The following OR11A1 variants were observed in gnomAD, a reference collection of about 807,000 sequenced individuals.
The protein encoded by OR11A1 is olfactory receptor 11A1.
For synonymous variants in OR11A1, 158 were observed against 152.2 expected (o/e 1.04, Z -0.28); for missense variants, 380 against 378.2 (o/e 1.00, Z -0.04).
intron 1 of OR11A1, chr6:29,440,962 G>T (rs769040034): frequency 1.3e-6 from 2 of 1,574,528 alleles, no homozygotes; most frequent in Non-Finnish European, 8.7e-7. Context: ...TGAAAAGGGG[G>T]CGATAGTGAC....
rs140404578 is a variant in OR11A1, at chr6:29,455,641, C to T, written c.-389+1346G>A. On this transcript the variant is annotated intron_variant, in intron 1 of 4. Transcript: ENST00000377149. Reference sequence around the variant, plus strand: ...TATATCAAAACATCATTTGGGAGGCCGAGGCGGGTGGATTGCCTGAGCTCA... The same window carrying T: ...TATATCAAAACATCATTTGGGAGGCTGAGGCGGGTGGATTGCCTGAGCTCA... Among the ~76,000 whole-genome samples the T allele has an allele frequency of 9.4e-3, 1,428 of 152,022 alleles. 12 individuals are homozygous for T. The highest frequency in any genetic ancestry group is 0.026 in the African/African-American group (1,065 of 41,454).
At position 29,437,001 on chromosome 6, in the gene OR11A1, C is replaced by G. The variant is rs544154114; in HGVS notation, c.-388-5014G>C. ...CAGCACAATGAGATACCATCTCACACCAGCTAGAATGCCGATCATTAAAAA... is the reference window on the plus strand; with the variant it reads ...CAGCACAATGAGATACCATCTCACAGCAGCTAGAATGCCGATCATTAAAAA... On this transcript the variant is annotated intron_variant, in intron 1 of 4. Coordinates refer to ENST00000377149, the MANE Select transcript of OR11A1 (RefSeq NM_001394828.1). Among the ~76,000 whole-genome samples the G allele has an allele frequency of 2.0e-5, 3 of 152,324 alleles. No homozygotes were observed. The East Asian group carries it at 5.8e-4, about 29-fold the overall frequency.
chr6:29,433,946 C>T (rs931262230), intron 1 of OR11A1, among the ~76,000 whole-genome samples: 2 of 151,870 alleles, frequency 1.3e-5, no homozygotes, highest in Admixed American at 6.6e-5. Context: ...TTTTCTTGTA[C>T]CTGTTTGTCA....
At chr6:29,446,029 C>G (rs1308677818) in intron 1 of OR11A1, among the ~76,000 whole-genome samples, 5 of 152,056 alleles carry the variant, frequency 3.3e-5, no homozygotes, top group Admixed American at 6.6e-5. Flanking sequence ...CAGGGTTGAT[C>G]CTCTGAGAGT....
intron 1 of OR11A1, among the ~76,000 whole-genome samples, chr6:29,452,320 GAA>G (rs1338594870): frequency 6.6e-6 from 1 of 151,750 alleles, no homozygotes; most frequent in Non-Finnish European, 1.5e-5. Context: ...TGTGCCCCTT[GAA>G]ACTAAAATAA....
At chr6:29,451,767 T>C (rs1028739048) in intron 1 of OR11A1, among the ~76,000 whole-genome samples, 7 of 152,188 alleles carry the variant, frequency 4.6e-5, no homozygotes, top group Non-Finnish European at 8.8e-5. Flanking sequence ...AGAATGTATG[T>C]TGAAAGTGGT....
At position 29,440,363 on chromosome 6, in the gene OR11A1, C is replaced by A. The variant is rs771580025; in HGVS notation, c.-388-8376G>T. 40 of 1,614,034 alleles carry A rather than the reference C, an allele frequency of 2.5e-5. 1 individual carries two copies. In the South Asian group the frequency reaches 3.7e-4, roughly 15 times the overall value. On this transcript the variant is annotated intron_variant, in intron 1 of 4. Coordinates refer to ENST00000377149, the MANE Select transcript of OR11A1 (RefSeq NM_001394828.1). ...CCACGGAGTGCTGCCTCCTGGCAGC[C>A]ATGGCCTATGACCGCTATGCAGCCA... is the stretch of plus-strand genomic sequence containing the variant.
At chr6:29,431,185 GA>G (rs1355354483) in intron 2 of OR11A1, among the ~76,000 whole-genome samples, 2 of 151,706 alleles carry the variant, frequency 1.3e-5, no homozygotes, top group Admixed American at 1.3e-4. Flanking sequence ...AATATTCCAG[GA>G]AAAAATATTT....
rs747249606 is a variant in OR11A1, at chr6:29,426,802, A to C, written c.840T>G (p.Thr280=). The C allele has an allele frequency of 1.1e-5, 17 of 1,613,016 alleles. No homozygotes were observed. Among genetic ancestry groups the C allele is most frequent in the Non-Finnish European group, 1.2e-5 (14 of 1,180,024 alleles). ...LLSKVFSLLY[T]VVTPLFNPVI... Reference sequence around the variant, plus strand: ...CAGGATTGAAGAGAGGGGTGACCACAGTGTAGAGCAGGGAGAAGACCTTGG... The same window carrying C: ...CAGGATTGAAGAGAGGGGTGACCACCGTGTAGAGCAGGGAGAAGACCTTGG... The change falls in exon 5 of 5, where the codon ACT becomes ACG. Residue 280 remains threonine, a synonymous_variant. Transcript: ENST00000377149.
intron 1 of OR11A1, among the ~76,000 whole-genome samples, chr6:29,438,900 T>C (rs1783865124): frequency 2.0e-5 from 3 of 152,216 alleles, no homozygotes; most frequent in Admixed American, 2.0e-4. Flanking sequence ...GAAAGACACC[T>C]TTGAGATAAT....
At chr6:29,436,872 C>G (rs899231143) in intron 1 of OR11A1, among the ~76,000 whole-genome samples, 3 of 152,240 alleles carry the variant, frequency 2.0e-5, no homozygotes, top group Non-Finnish European at 2.9e-5. Flanking sequence ...CGGCCAGTGG[C>G]CCGCAATCCT....
chr6:29,443,868 A>G (rs1158199730), intron 1 of OR11A1, among the ~76,000 whole-genome samples: 2 of 151,222 alleles, frequency 1.3e-5, no homozygotes, highest in Non-Finnish European at 2.9e-5. Context: ...GTTCTATTCT[A>G]CCTTTTTCTT....
chr6:29,427,077 C>T lies in OR11A1; in HGVS notation c.565G>A (p.Ala189Thr). Residue 189 changes from alanine (A) to threonine (T), a missense_variant, in exon 5 of 5, where the codon GCT becomes ACT. Ala to Thr is a moderately conservative substitution (Grantham distance 58). Transcript: ENST00000377149. ...YCDFMLFVGL[A>T]CSDPRVAQVT... ...TGAGCCACTCTGGGATCCGAGCAAG[C>T]CAGGCCCACGAAAAGCATAAAGTCA... The T allele has an allele frequency of 1.2e-6, 2 of 1,612,310 alleles. No homozygotes were observed. The highest frequency in any genetic ancestry group is 1.7e-6 in the Non-Finnish European group (2 of 1,179,986).
At position 29,426,361 on chromosome 6, in the gene OR11A1, C is replaced by T. The variant is rs971537675; in HGVS notation, c.*333G>A. 3.9e-6 allele frequency: 1 copy of T among 257,928 alleles called. No homozygotes were observed. The highest frequency in any genetic ancestry group is 7.4e-6 in the Non-Finnish European group (1 of 135,134). 16.0% of individuals were successfully genotyped at this position (257,928 alleles called of 1,614,324 possible). Reference sequence around the variant, plus strand: ...TATGGATACATAGAGGGGAACAACACACTGAATCCTACTTGAGGGTGGAGG... The same window carrying T: ...TATGGATACATAGAGGGGAACAACATACTGAATCCTACTTGAGGGTGGAGG... On this transcript the variant is annotated 3_prime_UTR_variant, in exon 5 of 5. Transcript: ENST00000377149.
chr6:29,440,358 G>A, intron 1 of OR11A1: 2 of 1,614,058 alleles, frequency 1.2e-6, no homozygotes, highest in South Asian at 1.1e-5. Flanking sequence ...CTGCCTCCTG[G>A]CAGCCATGGC....
At chr6:29,438,772 G>C (rs1783850025) in intron 1 of OR11A1, among the ~76,000 whole-genome samples, 1 of 147,634 alleles carries the variant, frequency 6.8e-6, no homozygotes, top group Admixed American at 6.7e-5. Flanking sequence ...AGCTTAAAGA[G>C]AGACAACAAA....
intron 1 of OR11A1, among the ~76,000 whole-genome samples, chr6:29,443,851 T>C (rs1467315806): frequency 6.6e-6 from 1 of 152,146 alleles, no homozygotes; most frequent in Non-Finnish European, 1.5e-5. Context: ...TTGCTGTTGT[T>C]GTTGTTGTTC....
intron 1 of OR11A1, among the ~76,000 whole-genome samples, chr6:29,455,074 A>G (rs1357251141): frequency 2.0e-5 from 3 of 152,196 alleles, no homozygotes; most frequent in Admixed American, 1.3e-4. Flanking sequence ...CTAAAGAAGA[A>G]CATAAAAGAA....
chr6:29,433,081 A>G (rs1174062452), intron 1 of OR11A1, among the ~76,000 whole-genome samples: 1 of 152,224 alleles, frequency 6.6e-6, no homozygotes, highest in Non-Finnish European at 1.5e-5. Context: ...AAAATTGTAT[A>G]TATTTATGAT....
Sources: allele counts gnomAD v4.1 joint callset (sites outside exome capture counted in the v4.1 genomes callset), GRCh38; gene constraint gnomAD v4.1.1; transcripts MANE v1.5; gene names NCBI Gene and HGNC (gene_info 2026-07-23, HGNC 2026-07-21).